The following NKAIN2 variants were observed in gnomAD, a reference collection of about 807,000 sequenced individuals.
NKAIN2 encodes the protein sodium/potassium-transporting ATPase subunit beta-1-interacting protein 2.
A neutral mutation model predicts 32.6 loss-of-function variants in NKAIN2; 14 were observed. That is an observed-to-expected ratio of 0.43 (90% CI 0.28 to 0.67). The LOEUF (loss-of-function observed/expected upper bound fraction) is 0.67. NKAIN2 is among the 30% of genes least tolerant of loss of function. The pLI, the probability that NKAIN2 is intolerant of heterozygous loss-of-function variation, is 0.17. For missense variants in NKAIN2, 198 were observed against 258.3 expected (o/e 0.77, Z 1.60); for synonymous variants, 80 against 87.2 (o/e 0.92, Z 0.46).
intron 3 of NKAIN2, among the ~76,000 whole-genome samples, chr6:124,504,946 C>A (rs1778419640): frequency 6.6e-6 from 1 of 152,176 alleles, no homozygotes; most frequent in Non-Finnish European, 1.5e-5. Flanking sequence ...CTTCTCTCTA[C>A]ATTCTTGTGT....
intron 1 of NKAIN2, among the ~76,000 whole-genome samples, chr6:124,257,229 T>C (rs139211604): frequency 9.9e-5 from 15 of 152,196 alleles, no homozygotes; most frequent in African/African-American, 3.1e-4. Flanking sequence ...GGGTAAAACA[T>C]TCTCTGGGAA....
intron 1 of NKAIN2, among the ~76,000 whole-genome samples, chr6:124,195,701 T>C (rs1183095500): frequency 2.0e-5 from 3 of 152,104 alleles, no homozygotes; most frequent in Non-Finnish European, 4.4e-5. Context: ...GAAAAGTAAA[T>C]CATTCCATGA....
intron 4 of NKAIN2, among the ~76,000 whole-genome samples, chr6:124,719,345 G>A (rs1409119318): frequency 1.3e-5 from 2 of 151,986 alleles, no homozygotes; most frequent in East Asian, 1.9e-4. Context: ...TAAGTCCCTA[G>A]AGGGGGCAAA....
At chr6:124,146,943 T>G (rs1262408061) in intron 1 of NKAIN2, among the ~76,000 whole-genome samples, 1 of 152,202 alleles carries the variant, frequency 6.6e-6, no homozygotes, top group Non-Finnish European at 1.5e-5. Context: ...CAAAGGCATG[T>G]TAGTGTTTCA....
At chr6:124,631,813 T>C (rs1049495468) in intron 3 of NKAIN2, among the ~76,000 whole-genome samples, 4 of 152,106 alleles carry the variant, frequency 2.6e-5, no homozygotes, top group African/African-American at 7.2e-5. Context: ...GGTTCCCCAT[T>C]TAACATAATT....
At chr6:124,469,897 T>A (rs1474523640) in intron 3 of NKAIN2, among the ~76,000 whole-genome samples, 1 of 152,142 alleles carries the variant, frequency 6.6e-6, no homozygotes, top group African/African-American at 2.4e-5. Flanking sequence ...CTGAAGACCA[T>A]AACCACACTG....
At chr6:123,847,394 A>G (rs1186791490) in intron 1 of NKAIN2, among the ~76,000 whole-genome samples, 1 of 152,228 alleles carries the variant, frequency 6.6e-6, no homozygotes, top group Non-Finnish European at 1.5e-5. Flanking sequence ...AGGGATCTGA[A>G]GGATGCTGTA....
chr6:124,085,456 T>TA (rs1263840704), intron 1 of NKAIN2, among the ~76,000 whole-genome samples: 2 of 151,756 alleles, frequency 1.3e-5, no homozygotes, highest in Admixed American at 6.6e-5. Context: ...GGAGGATAGG[T>TA]AGGCAGTGGC....
chr6:124,240,821 T>C (rs980844727), intron 1 of NKAIN2, among the ~76,000 whole-genome samples: 2 of 152,138 alleles, frequency 1.3e-5, no homozygotes, highest in Non-Finnish European at 2.9e-5. Flanking sequence ...GCATTCCATA[T>C]GAAAACCAGC....
chr6:124,700,396 C>A (rs1774716848), intron 4 of NKAIN2, among the ~76,000 whole-genome samples: 1 of 152,130 alleles, frequency 6.6e-6, no homozygotes, highest in Admixed American at 6.6e-5. Context: ...GTTACATCAG[C>A]AACTTTTTGC....
At chr6:123,985,304 G>T (rs966225334) in intron 1 of NKAIN2, among the ~76,000 whole-genome samples, 2 of 152,138 alleles carry the variant, frequency 1.3e-5, no homozygotes, top group Non-Finnish European at 1.5e-5. Flanking sequence ...GGAGGCTGAG[G>T]CAGGAGAATT....
intron 3 of NKAIN2, among the ~76,000 whole-genome samples, chr6:124,578,563 G>C (rs1456566441): frequency 6.6e-6 from 1 of 152,056 alleles, no homozygotes; most frequent in Non-Finnish European, 1.5e-5. Flanking sequence ...GTAGAATAGA[G>C]CAACAGGTAG....
chr6:124,070,476 T>A (rs1019092747), intron 1 of NKAIN2, among the ~76,000 whole-genome samples: 2 of 152,148 alleles, frequency 1.3e-5, no homozygotes, highest in South Asian at 4.1e-4. Context: ...TGAGTATTCC[T>A]CCCACACCTC....
intron 2 of NKAIN2, among the ~76,000 whole-genome samples, chr6:124,354,186 T>C (rs1798862697): frequency 1.3e-5 from 2 of 152,214 alleles, no homozygotes; most frequent in African/African-American, 4.8e-5. Flanking sequence ...GGACAGGTTA[T>C]GTACTCCTCT....
chr6:124,296,114 T>C (rs1413584636), intron 2 of NKAIN2, among the ~76,000 whole-genome samples: 1 of 152,128 alleles, frequency 6.6e-6, no homozygotes, highest in African/African-American at 2.4e-5. Context: ...TGCATTCTCT[T>C]TCACATTCAC....
At chr6:124,150,325 A>G (rs1643790856) in intron 1 of NKAIN2, among the ~76,000 whole-genome samples, 1 of 152,194 alleles carries the variant, frequency 6.6e-6, no homozygotes, top group African/African-American at 2.4e-5. Flanking sequence ...AAACTAATGT[A>G]TTGAAAAGAA....
At chr6:124,372,216 A>C (rs1439838437) in intron 3 of NKAIN2, among the ~76,000 whole-genome samples, 1 of 152,198 alleles carries the variant, frequency 6.6e-6, no homozygotes, top group African/African-American at 2.4e-5. Flanking sequence ...TATTATTACA[A>C]GGTATTTTAT....
rs1562385710 is a variant in NKAIN2, at chr6:124,791,495, A to AC, written c.535+96_535+97insC. On this transcript the variant is annotated intron_variant, in intron 5 of 6. Transcript: ENST00000368417. ...TCCTATTCCTCAGACAAGATCCTACAACACAGCATTAGAATGGAAAATAAG... is the reference window on the plus strand; with the variant it reads ...TCCTATTCCTCAGACAAGATCCTACACACACAGCATTAGAATGGAAAATAAG... 4.1e-6 allele frequency: 3 copies of AC among 734,932 alleles called. No individual in the cohort carries two copies. In the African/African-American group the frequency reaches 5.1e-5, roughly 13 times the overall value. The allele number at this position is 734,932 out of a possible 1,614,324, so 45.5% of individuals were successfully genotyped here.
intron 4 of NKAIN2, 99 bp from the exon 5 acceptor site, chr6:124,791,240 G>T (rs1435148696): frequency 2.6e-6 from 2 of 780,656 alleles, no homozygotes; most frequent in East Asian, 5.1e-5. Flanking sequence ...GGAGCCCTAA[G>T]TCTGGTTGTA....
Sources: allele counts gnomAD v4.1 joint callset (sites outside exome capture counted in the v4.1 genomes callset), GRCh38; gene constraint gnomAD v4.1.1; transcripts MANE v1.5; gene names NCBI Gene and HGNC (gene_info 2026-07-23, HGNC 2026-07-21).